PRKN: variants seen among roughly 807,000 people sequenced by gnomAD.
The protein encoded by PRKN is E3 ubiquitin-protein ligase parkin.
A neutral mutation model predicts 59.5 loss-of-function variants in PRKN; 56 were observed. That is an observed-to-expected ratio of 0.94 (90% confidence interval 0.76 to 1.18). The LOEUF is 1.18. Ranked by LOEUF, PRKN falls within the 50% of genes most tolerant of loss-of-function variation. The pLI is 0.00. For missense variants in PRKN, 657 were observed against 596.4 expected (o/e 1.10, Z -1.06); for synonymous variants, 250 against 222.1 (o/e 1.13, Z -1.12).
At chr6:162,394,095 A>G (rs1236504976) in intron 2 of PRKN, among the ~76,000 whole-genome samples, 1 of 152,192 alleles carries the variant, frequency 6.6e-6, no homozygotes, top group African/African-American at 2.4e-5. Flanking sequence ...TGTATTTCCT[A>G]TTTTCCCATA....
chr6:161,614,862 T>A (rs1410912032), intron 7 of PRKN, among the ~76,000 whole-genome samples: 1 of 152,308 alleles, frequency 6.6e-6, no homozygotes, highest in East Asian at 1.9e-4. Context: ...ACTGTGTCTA[T>A]TTGGAGGTGG....
At chr6:161,439,818 G>A (rs1290216510) in intron 9 of PRKN, among the ~76,000 whole-genome samples, 1 of 152,154 alleles carries the variant, frequency 6.6e-6, no homozygotes, top group Non-Finnish European at 1.5e-5. Flanking sequence ...ACATCATTGA[G>A]TTTAATTATG....
intron 1 of PRKN, among the ~76,000 whole-genome samples, chr6:162,696,847 G>A (rs77078465): frequency 0.065 from 9,947 of 152,016 alleles, 410 homozygotes; most frequent in Middle Eastern, 0.12. Context: ...CACTTAGCCA[G>A]GAAGAACTTT....
At chr6:162,008,195 A>C (rs775407331) in intron 5 of PRKN, among the ~76,000 whole-genome samples, 14 of 152,204 alleles carry the variant, frequency 9.2e-5, no homozygotes, top group Non-Finnish European at 1.9e-4. Flanking sequence ...TCAAGAAATT[A>C]GAGAAAGATG....
chr6:161,869,366 A>G (rs530200202), intron 6 of PRKN, among the ~76,000 whole-genome samples: 4 of 152,004 alleles, frequency 2.6e-5, no homozygotes, highest in Non-Finnish European at 5.9e-5. Context: ...GCGACAGAGC[A>G]AGACTCCATC....
At chr6:162,204,388 C>T (rs1018486557) in intron 3 of PRKN, among the ~76,000 whole-genome samples, 2 of 152,178 alleles carry the variant, frequency 1.3e-5, no homozygotes, top group African/African-American at 4.8e-5. Context: ...AAGCACAGGA[C>T]ATCTCAAACT....
chr6:162,005,534 G>C (rs1180036198), intron 5 of PRKN, among the ~76,000 whole-genome samples: 4 of 143,456 alleles, frequency 2.8e-5, no homozygotes, highest in African/African-American at 1.0e-4. Flanking sequence ...GTCTCTGCAG[G>C]ACTATTAAAT....
rs537063252 is a variant in PRKN at position 161,469,737 on chromosome 6, C to G, written c.1083+79117G>C. On this transcript the variant is annotated intron_variant, in intron 9 of 11. Transcript: ENST00000366898. ...CCCACAGCCTCCAGAAGGAATGCAG[C>G]CCTGCGACACCTTAACTTTAGGACT... 1.4e-4 allele frequency among the ~76,000 whole-genome samples: 22 copies of G among 152,248 alleles called. No individual in the cohort carries two copies. In the South Asian group the frequency reaches 4.2e-3, roughly 29 times the overall value.
intron 7 of PRKN, among the ~76,000 whole-genome samples, chr6:161,678,338 G>A (rs1174413145): frequency 7.1e-6 from 1 of 140,414 alleles, no homozygotes; most frequent in African/African-American, 2.7e-5. Context: ...TAATTTCTCT[G>A]AGGCTCTTCA....
intron 5 of PRKN, among the ~76,000 whole-genome samples, chr6:162,027,160 G>A (rs1337805615): frequency 6.6e-6 from 1 of 152,050 alleles, no homozygotes; most frequent in Non-Finnish European, 1.5e-5. Flanking sequence ...CATGTCAATC[G>A]TTAGTGTTTC....
chr6:161,781,152 T>C (rs1370981696), intron 7 of PRKN, among the ~76,000 whole-genome samples: 1 of 152,224 alleles, frequency 6.6e-6, no homozygotes, highest in Non-Finnish European at 1.5e-5. Context: ...TACTAGTTCA[T>C]TTTTTAAAAT....
chr6:162,597,016 T>C (rs73595945), intron 1 of PRKN, among the ~76,000 whole-genome samples: 3,131 of 152,256 alleles, frequency 0.021, 107 homozygotes, highest in African/African-American at 0.07. Flanking sequence ...CAAGTCTAAA[T>C]AGTTATCAAA....
At chr6:161,901,645 G>A (rs553687847) in intron 6 of PRKN, among the ~76,000 whole-genome samples, 183 of 152,226 alleles carry the variant, frequency 1.2e-3, no homozygotes, top group African/African-American at 4.0e-3. Flanking sequence ...CAATGGAGCG[G>A]GTCTGATTTA....
At chr6:162,360,653 T>G (rs1785094872) in intron 2 of PRKN, among the ~76,000 whole-genome samples, 1 of 152,070 alleles carries the variant, frequency 6.6e-6, no homozygotes, top group African/African-American at 2.4e-5. Flanking sequence ...ACCAGAAATC[T>G]TTCACAGAGG....
At chr6:162,368,633 C>T (rs771170072) in intron 2 of PRKN, among the ~76,000 whole-genome samples, 1 of 152,182 alleles carries the variant, frequency 6.6e-6, no homozygotes, top group South Asian at 2.1e-4. Flanking sequence ...CTTATGCAAA[C>T]ACAGGCTGAC....
intron 1 of PRKN, among the ~76,000 whole-genome samples, chr6:162,455,371 T>G (rs543670411): frequency 2.0e-4 from 31 of 152,136 alleles, no homozygotes; most frequent in Non-Finnish European, 4.1e-4. Flanking sequence ...CATCATGGAG[T>G]GTATTTATGC....
chr6:162,389,755 A>C (rs1176079931), intron 2 of PRKN, among the ~76,000 whole-genome samples: 2 of 152,240 alleles, frequency 1.3e-5, no homozygotes, highest in African/African-American at 4.8e-5. Flanking sequence ...TAAGTGGTAA[A>C]GCTGGAATTC....
chr6:161,962,815 A>T (rs886839566), intron 6 of PRKN, among the ~76,000 whole-genome samples: 1 of 151,454 alleles, frequency 6.6e-6, no homozygotes, highest in Non-Finnish European at 1.5e-5. Context: ...GATTACAGGC[A>T]TGAGCCACCT....
At chr6:162,695,901 A>G (rs1429864830) in intron 1 of PRKN, among the ~76,000 whole-genome samples, 1 of 152,194 alleles carries the variant, frequency 6.6e-6, no homozygotes, top group Non-Finnish European at 1.5e-5. Flanking sequence ...GAGTCCAAAT[A>G]TTGGCTAACC....
Sources: allele counts gnomAD v4.1 joint callset (sites outside exome capture counted in the v4.1 genomes callset), GRCh38; gene constraint gnomAD v4.1.1; transcripts MANE v1.5; gene names NCBI Gene and HGNC (gene_info 2026-07-23, HGNC 2026-07-21).